Variants in ZCCHC7 observed in about 807,000 individuals in gnomAD.
The protein encoded by ZCCHC7 is zinc finger CCHC-type containing 7.
In ZCCHC7, 35 loss-of-function variants were observed where a neutral mutation model predicts 52.0. That is an observed-to-expected ratio of 0.67 (90% CI 0.51 to 0.89). The LOEUF (loss-of-function observed/expected upper bound fraction) is 0.89. ZCCHC7 is among the 40% of genes least tolerant of loss of function. The pLI is 0.00. For missense variants in ZCCHC7, 574 were observed against 649.1 expected, an observed-to-expected ratio of 0.88 and a Z score of 1.26; for synonymous variants, 217 against 221.5, an observed-to-expected ratio of 0.98 and a Z score of 0.18.
intron 3 of ZCCHC7, among the ~76,000 whole-genome samples, chr9:37,302,445 GT>G (rs757333265): frequency 6.6e-6 from 1 of 152,094 alleles, no homozygotes; most frequent in Non-Finnish European, 1.5e-5. Flanking sequence ...TTCCCTTTCT[GT>G]TTCTCTCCTG....
intron 2 of ZCCHC7, among the ~76,000 whole-genome samples, chr9:37,228,119 T>C (rs991763451): frequency 6.6e-6 from 1 of 152,206 alleles, no homozygotes; most frequent in African/African-American, 2.4e-5. Context: ...TACTAAGTTA[T>C]TGAAGTCAGA....
chr9:37,194,121 G>A (rs890354906), intron 2 of ZCCHC7, among the ~76,000 whole-genome samples: 1 of 152,158 alleles, frequency 6.6e-6, no homozygotes, highest in African/African-American at 2.4e-5. Flanking sequence ...TCATACAAAT[G>A]TGGATATATT....
intron 2 of ZCCHC7, among the ~76,000 whole-genome samples, chr9:37,168,663 C>T (rs577950541): frequency 2.6e-5 from 4 of 152,154 alleles, no homozygotes; most frequent in South Asian, 2.1e-4. Context: ...TTTTGAGAGC[C>T]GAGGCAGGAG....
intron 5 of ZCCHC7, among the ~76,000 whole-genome samples, chr9:37,324,988 C>A (rs929584848): frequency 6.6e-6 from 1 of 152,168 alleles, no homozygotes; most frequent in African/African-American, 2.4e-5. Flanking sequence ...ACAACAGATG[C>A]ACTAAGCCGT....
chr9:37,340,280 A>G (rs1212369939), intron 6 of ZCCHC7, among the ~76,000 whole-genome samples: 1 of 152,142 alleles, frequency 6.6e-6, no homozygotes, highest in Non-Finnish European at 1.5e-5. Context: ...AGCTTTCAGC[A>G]AGAATAGCAG....
intron 2 of ZCCHC7, among the ~76,000 whole-genome samples, chr9:37,158,674 A>G (rs1040041146): frequency 7.2e-5 from 11 of 151,962 alleles, no homozygotes; most frequent in African/African-American, 2.7e-4. Flanking sequence ...TTTTTTTTTA[A>G]CAAAGATATG....
At chr9:37,187,039 C>T (rs1254963162) in intron 2 of ZCCHC7, 1 of 193,362 alleles carries the variant, frequency 5.2e-6, no homozygotes, top group Non-Finnish European at 1.1e-5. Flanking sequence ...ATAACAAATA[C>T]ATTGATATTT....
At chr9:37,315,453 T>A (rs1049490093) in intron 5 of ZCCHC7, among the ~76,000 whole-genome samples, 1 of 151,962 alleles carries the variant, frequency 6.6e-6, no homozygotes, top group African/African-American at 2.4e-5. Context: ...TAAGCAATAC[T>A]AAACTACTTT....
intron 2 of ZCCHC7, among the ~76,000 whole-genome samples, chr9:37,229,745 T>A (rs115342153): frequency 6.2e-4 from 95 of 152,312 alleles, no homozygotes; most frequent in African/African-American, 2.2e-3. Flanking sequence ...ACACTAAATT[T>A]ATTAACTTTT....
rs1047950546 is a variant in ZCCHC7, at chr9:37,271,554, G to A, written c.611-30634G>A. On this transcript the variant is annotated intron_variant, in intron 2 of 8. Transcript: ENST00000336755. ...TATTGTATTATGGTTACATTTAAAA[G>A]AGTCCTTATTTATCATTTGTTTGTT... Among the ~76,000 whole-genome samples, 35 of 152,094 alleles carry A rather than the reference G, an allele frequency of 2.3e-4. 2 individuals are homozygous for A. The highest frequency in any genetic ancestry group is 1.5e-5 in the Non-Finnish European group (1 of 68,012).
chr9:37,134,085 C>T (rs916151382), intron 2 of ZCCHC7, among the ~76,000 whole-genome samples: 5 of 152,232 alleles, frequency 3.3e-5, no homozygotes, highest in South Asian at 2.1e-4. Flanking sequence ...AACAAATTCC[C>T]GGTAATTCTT....
rs1461084242 is a variant in ZCCHC7, at chr9:37,209,297, C to G, written c.610+82355C>G. On this transcript the variant is annotated intron_variant, in intron 2 of 8. Coordinates refer to ENST00000336755, the MANE Select transcript of ZCCHC7 (RefSeq NM_032226.3). ...CCTTGTGATCTGCCCACCTCGGCCT[C>G]CCACAGTGCTGGGATTACAGGCATG... Among the ~76,000 whole-genome samples the G allele has an allele frequency of 2.0e-5, 3 of 152,282 alleles. No homozygotes were observed. The East Asian group carries it at 5.8e-4, about 29-fold the overall frequency.
At chr9:37,258,598 A>G (rs994653605) in intron 2 of ZCCHC7, among the ~76,000 whole-genome samples, 1 of 151,938 alleles carries the variant, frequency 6.6e-6, no homozygotes, top group Non-Finnish European at 1.5e-5. Flanking sequence ...TCTACAAAAA[A>G]TACAAAAATT....
intron 2 of ZCCHC7, among the ~76,000 whole-genome samples, chr9:37,199,483 C>T (rs1823481482): frequency 1.3e-5 from 2 of 151,346 alleles, no homozygotes; most frequent in Admixed American, 6.6e-5. Flanking sequence ...AGGCATACAC[C>T]ACCACGCCCA....
chr9:37,128,692 T>C (rs1842641319), intron 2 of ZCCHC7, among the ~76,000 whole-genome samples: 1 of 152,204 alleles, frequency 6.6e-6, no homozygotes, highest in African/African-American at 2.4e-5. Flanking sequence ...GGCTCTTAAG[T>C]TGGAAATCAT....
At chr9:37,238,783 A>G (rs1825761392) in intron 2 of ZCCHC7, among the ~76,000 whole-genome samples, 1 of 152,180 alleles carries the variant, frequency 6.6e-6, no homozygotes, top group Admixed American at 6.5e-5. Context: ...AATAAATGTG[A>G]TGGCAGCAAT....
chr9:37,302,549 A>G (rs184251316), intron 3 of ZCCHC7, among the ~76,000 whole-genome samples: 88 of 152,302 alleles, frequency 5.8e-4, no homozygotes, highest in African/African-American at 2.0e-3. Flanking sequence ...TGGTTAGTCT[A>G]TTTTTAGGAT....
intron 2 of ZCCHC7, among the ~76,000 whole-genome samples, chr9:37,281,098 C>G (rs2133567994): frequency 6.6e-6 from 1 of 152,300 alleles, no homozygotes; most frequent in African/African-American, 2.4e-5. Context: ...CTAATATCTA[C>G]TCCCATGTAT....
chr9:37,139,124 T>C (rs1843115480), intron 2 of ZCCHC7, among the ~76,000 whole-genome samples: 1 of 152,010 alleles, frequency 6.6e-6, no homozygotes, highest in Non-Finnish European at 1.5e-5. Flanking sequence ...AATGCTTCCT[T>C]GGTGGTTAAG....
Sources: allele counts gnomAD v4.1 joint callset (sites outside exome capture counted in the v4.1 genomes callset), GRCh38; gene constraint gnomAD v4.1.1; transcripts MANE v1.5; gene names NCBI Gene and HGNC (gene_info 2026-07-23, HGNC 2026-07-21).